Variants in SORL1 observed in about 807,000 individuals in gnomAD.
SORL1 encodes sortilin related receptor 1.
Under a neutral mutation model 273.7 loss-of-function variants are expected in SORL1, and 127 were observed. The observed-to-expected ratio is 0.46, with a 90% confidence interval of 0.40 to 0.54. The LOEUF (loss-of-function observed/expected upper bound fraction) is 0.54. SORL1 is among the 20% of genes least tolerant of loss of function. The probability of loss-of-function intolerance (pLI) is 0.00; values close to 1 mark genes in which losing one functional copy is unlikely to be tolerated. For synonymous variants in SORL1, 1,031 were observed against 1,067.4 expected (o/e 0.97, Z 0.66); for missense variants, 2,494 against 2,846.1 (o/e 0.88, Z 2.81).
intron 25 of SORL1, among the ~76,000 whole-genome samples, chr11:121,579,742 C>T (rs1439938400): frequency 6.6e-6 from 1 of 152,210 alleles, no homozygotes; most frequent in African/African-American, 2.4e-5. Flanking sequence ...TTCACTGTTA[C>T]TCTTTTTAAA....
Position 121,577,353 on chromosome 11 carries a change from A to G in SORL1, c.3533A>G (p.Asp1178Gly), listed in dbSNP as rs762911430. The G allele has an allele frequency of 6.2e-7, 1 of 1,613,586 alleles. No homozygotes were observed. Among genetic ancestry groups the G allele is most frequent in the South Asian group, 1.1e-5 (1 of 91,014 alleles). ...GMCIRSSWVC[D>G]GDNDCRDWSD... ...TGCATCCGCTCCTCCTGGGTATGTGACGGGGACAACGACTGCAGGGACTGG... is the reference window on the plus strand; with the variant it reads ...TGCATCCGCTCCTCCTGGGTATGTGGCGGGGACAACGACTGCAGGGACTGG... Residue 1178 changes from aspartate to glycine, a missense_variant, in exon 25 of 48, where the codon GAC (aspartate) becomes GGC (glycine). This residue lies in a region of SORL1 where 1,609 missense variants were observed against 1,816.4 expected (regional missense o/e 0.89). Transcript: ENST00000260197.
chr11:121,477,956 C>T (rs1406248860), intron 2 of SORL1, among the ~76,000 whole-genome samples, 162 bp from the exon 3 acceptor site: 5 of 150,740 alleles, frequency 3.3e-5, no homozygotes, highest in East Asian at 2.0e-4. Flanking sequence ...CGCTTGAACC[C>T]GGGAGGCAGA....
At chr11:121,557,188 G>C (rs1279074173) in intron 18 of SORL1, 126 bp from the exon 19 acceptor site, 1 of 753,492 alleles carries the variant, frequency 1.3e-6, no homozygotes, top group African/African-American at 1.7e-5. Flanking sequence ...AGATGGGTCA[G>C]GTCAGGGAAA....
intron 2 of SORL1, among the ~76,000 whole-genome samples, chr11:121,471,852 G>A (rs977752866): frequency 1.3e-5 from 2 of 152,202 alleles, no homozygotes; most frequent in Admixed American, 6.5e-5. Flanking sequence ...GGAGACCACC[G>A]CTACTGATGG....
intron 14 of SORL1, among the ~76,000 whole-genome samples, chr11:121,547,441 A>AAAAAAAAAAAAAAAAAAAAAAAAC (rs1862447904): frequency 6.7e-6 from 1 of 149,120 alleles, no homozygotes; most frequent in African/African-American, 2.5e-5. Context: ...AAAAAAAAAA[A>AAAAAAAAAAAAAAAAAAAAAAAAC]AAAATCACAC....
Position 121,558,768 on chromosome 11 carries a change from G to A in SORL1, c.2841G>A (p.Thr947=), listed in dbSNP as rs143717888. 53 of 1,614,016 alleles carry A rather than the reference G, an allele frequency of 3.3e-5. No homozygotes were observed. The highest frequency in any genetic ancestry group is 1.6e-4 in the Middle Eastern group (1 of 6,084). The part of the protein sequence containing the change: ...DAYLECIERI[T]FSGQQRSVIL... ...ACCTGGAGTGCATAGAGCGGATCAC[G>A]TTCAGTGGCCAGCAGCGCTCTGTCA... The change falls in exon 20 of 48, where the codon ACG becomes ACA. Residue 947 remains threonine (T), a synonymous_variant. Coordinates refer to ENST00000260197, the MANE Select transcript of SORL1 (RefSeq NM_003105.6).
chr11:121,479,209 A>G (rs1052136452), intron 3 of SORL1, among the ~76,000 whole-genome samples: 1 of 152,134 alleles, frequency 6.6e-6, no homozygotes, highest in East Asian at 1.9e-4. Flanking sequence ...CTGGGCCCCC[A>G]GGGAGGTGGA....
intron 23 of SORL1, among the ~76,000 whole-genome samples, chr11:121,573,879 C>T (rs571979378): frequency 3.9e-5 from 6 of 152,250 alleles, no homozygotes; most frequent in East Asian, 3.9e-4. Flanking sequence ...CTTCTCTAAT[C>T]GTAGTTTCAT....
intron 12 of SORL1, among the ~76,000 whole-genome samples, chr11:121,536,446 T>C (rs935201447): frequency 1.5e-4 from 22 of 148,218 alleles, no homozygotes; most frequent in African/African-American, 4.1e-4. Flanking sequence ...TTTTTTTTTT[T>C]CTGGAGTTCA....
intron 14 of SORL1, chr11:121,546,857 TTGCAGATTCTGCCTTGGTCACA>T (rs1862433622): frequency 1.3e-5 from 2 of 152,232 alleles, no homozygotes; most frequent in Admixed American, 1.3e-4. Flanking sequence ...TATGAATCAC[TTGCAGATTCTGCCTTGGTCACA>T]TGCAGATTCT....
intron 6 of SORL1, among the ~76,000 whole-genome samples, chr11:121,505,753 C>T (rs970186776): frequency 1.3e-5 from 2 of 152,004 alleles, no homozygotes; most frequent in Non-Finnish European, 2.9e-5. Context: ...GAATTTCCTT[C>T]ACTTTTTGGT....
At chr11:121,603,848 A>T (rs532287395) in intron 32 of SORL1, among the ~76,000 whole-genome samples, 44 of 152,320 alleles carry the variant, frequency 2.9e-4, no homozygotes, top group African/African-American at 9.9e-4. Context: ...ATCTCATTAG[A>T]TCCTTGCAGA....
intron 25 of SORL1, among the ~76,000 whole-genome samples, 193 bp from the exon 26 acceptor site, chr11:121,583,265 G>T (rs1235879836): frequency 6.6e-6 from 1 of 152,124 alleles, no homozygotes; most frequent in Admixed American, 6.5e-5. Flanking sequence ...AAATCCATAG[G>T]CTCAAGTCCA....
At chr11:121,470,200 T>C (rs1861147770) in intron 2 of SORL1, 77 bp downstream of exon 2, 1 of 919,570 alleles carries the variant, frequency 1.1e-6, no homozygotes. Flanking sequence ...ATTATCATAC[T>C]GGAAAAAGTA....
intron 25 of SORL1, 125 bp from the exon 26 acceptor site, chr11:121,583,333 A>C: frequency 8.8e-7 from 1 of 1,134,290 alleles, no homozygotes; most frequent in Non-Finnish European, 1.2e-6. Context: ...GGAGAAACCC[A>C]GATGCTCCCA....
chr11:121,568,390 A>G (rs1862783293), intron 22 of SORL1, among the ~76,000 whole-genome samples: 1 of 152,238 alleles, frequency 6.6e-6, no homozygotes, highest in Non-Finnish European at 1.5e-5. Context: ...AATCAACACT[A>G]AATTCCAAGA....
At chr11:121,581,807 T>C (rs1451335716) in intron 25 of SORL1, among the ~76,000 whole-genome samples, 1 of 152,222 alleles carries the variant, frequency 6.6e-6, no homozygotes, top group Non-Finnish European at 1.5e-5. Context: ...AAAAATGAAA[T>C]GCAGAGGCTG....
At chr11:121,601,439 A>G (rs1289725366) in intron 32 of SORL1, among the ~76,000 whole-genome samples, 1 of 150,858 alleles carries the variant, frequency 6.6e-6, no homozygotes, top group Non-Finnish European at 1.5e-5. Flanking sequence ...GTCAAATGGT[A>G]TTTCCAGTTC....
intron 41 of SORL1, among the ~76,000 whole-genome samples, chr11:121,618,014 T>C (rs1368104551): frequency 6.6e-6 from 1 of 152,148 alleles, no homozygotes; most frequent in Non-Finnish European, 1.5e-5. Context: ...GCTCACCTCA[T>C]GGTACAAGAG....
Sources: gnomAD v4.1 joint callset for allele counts (sites outside exome capture counted in the v4.1 genomes callset) on GRCh38, gnomAD v4.1.1 for gene constraint, gnomAD v4.1.1 regional missense constraint, MANE v1.5 for transcripts, NCBI Gene and HGNC (gene_info 2026-07-23, HGNC 2026-07-21) for gene names.